PDE3A: variants seen among roughly 807,000 people sequenced by gnomAD.
The protein encoded by PDE3A is cGMP-inhibited 3',5'-cyclic phosphodiesterase 3A.
In PDE3A, 43 loss-of-function variants were observed where a neutral mutation model predicts 98.3. That is an observed-to-expected ratio of 0.44 (90% confidence interval 0.34 to 0.56). The LOEUF (loss-of-function observed/expected upper bound fraction) is 0.56, where lower values mean the gene tolerates loss of function less well. Ranked by LOEUF, PDE3A falls within the 20% of genes least tolerant of loss-of-function variation. The pLI, the probability that PDE3A is intolerant of heterozygous loss-of-function variation, is 0.01. For synonymous variants in PDE3A, 663 were observed against 567.9 expected, an observed-to-expected ratio of 1.17 and a Z score of -2.38; for missense variants, 1,427 against 1,440.7, an observed-to-expected ratio of 0.99 and a Z score of 0.15.
chr12:20,436,014 C>T lies in PDE3A; in HGVS notation c.960+65770C>T, dbSNP rs151236080. Among the ~76,000 whole-genome samples, 801 of 151,982 alleles carry T rather than the reference C, an allele frequency of 5.3e-3. 7 individuals carry two copies. Among genetic ancestry groups the T allele is most frequent in the African/African-American group, 0.018 (763 of 41,462 alleles). ...TTCTGGTGTCCCTCAAATTCAATTA[C>T]GTAGGTAAAGGTGGAATTGATCCTT... On this transcript the variant is annotated intron_variant, in intron 1 of 15. Coordinates refer to ENST00000359062, the MANE Select transcript of PDE3A (RefSeq NM_000921.5).
chr12:20,452,686 C>T (rs1417999021), intron 1 of PDE3A, among the ~76,000 whole-genome samples: 4 of 152,156 alleles, frequency 2.6e-5, no homozygotes, highest in African/African-American at 9.7e-5. Flanking sequence ...ATCTGCAAAA[C>T]CCACCTGGGG....
intron 10 of PDE3A, among the ~76,000 whole-genome samples, chr12:20,644,118 G>A (rs1446205783): frequency 1.3e-5 from 2 of 152,142 alleles, no homozygotes; most frequent in Non-Finnish European, 2.9e-5. Context: ...GATAATTTAA[G>A]AAGCTGGCTT....
chr12:20,423,488 C>T lies in PDE3A; in HGVS notation c.960+53244C>T, dbSNP rs7300269. 7.7e-3 allele frequency among the ~76,000 whole-genome samples: 1,179 copies of T among 152,202 alleles called. 16 individuals are homozygous for T. Among genetic ancestry groups the T allele is most frequent in the African/African-American group, 0.028 (1,144 of 41,538 alleles). ...TTTTAACAGTACACTTTTTATAATGCCTTGAACTTGTTTCTCTGTGGCAGA... is the reference window on the plus strand; with the variant it reads ...TTTTAACAGTACACTTTTTATAATGTCTTGAACTTGTTTCTCTGTGGCAGA... On this transcript the variant is annotated intron_variant, in intron 1 of 15. Transcript: ENST00000359062.
intron 1 of PDE3A, among the ~76,000 whole-genome samples, chr12:20,477,131 C>T (rs960653400): frequency 1.2e-4 from 18 of 152,138 alleles, no homozygotes; most frequent in African/African-American, 4.3e-4. Context: ...GCACAGGGAG[C>T]ACTTTCTTAT....
chr12:20,561,489 G>GT (rs1942519346), intron 2 of PDE3A, among the ~76,000 whole-genome samples: 1 of 152,182 alleles, frequency 6.6e-6, no homozygotes, highest in South Asian at 2.1e-4. Context: ...TGTGTCAGAT[G>GT]TGAGTGTGCT....
intron 1 of PDE3A, among the ~76,000 whole-genome samples, chr12:20,406,461 A>G (rs1268567668): frequency 6.6e-6 from 1 of 152,144 alleles, no homozygotes; most frequent in Non-Finnish European, 1.5e-5. Context: ...TTTTATTTGC[A>G]TTCCCCGGAT....
chr12:20,401,635 C>T (rs905984530), intron 1 of PDE3A, among the ~76,000 whole-genome samples: 4 of 152,190 alleles, frequency 2.6e-5, no homozygotes, highest in African/African-American at 9.6e-5. Flanking sequence ...TTTTACCCAT[C>T]TTCTACCTGC....
Position 20,684,356 on chromosome 12 carries a change from A to G in PDE3A, c.*4085A>G, listed in dbSNP as rs141029049. On this transcript the variant is annotated 3_prime_UTR_variant, in exon 16 of 16. Transcript: ENST00000359062. Reference sequence around the variant, plus strand: ...TTCCTGACTTATATGCCATTTGTAAATAAACTTCCTTTCAAACTGTTAGAA... The same window carrying G: ...TTCCTGACTTATATGCCATTTGTAAGTAAACTTCCTTTCAAACTGTTAGAA... The G allele has an allele frequency of 7.9e-5, 12 of 152,274 alleles. No homozygotes were observed. In the East Asian group the frequency reaches 2.3e-3, roughly 29 times the overall value. 9.4% of individuals were successfully genotyped at this position (152,274 alleles called of 1,614,324 possible).
intron 2 of PDE3A, among the ~76,000 whole-genome samples, chr12:20,610,749 C>A (rs1163416652): frequency 6.6e-6 from 1 of 151,816 alleles, no homozygotes; most frequent in African/African-American, 2.4e-5. Context: ...ATAGATGGAC[C>A]TGAAGAACAT....
chr12:20,451,503 G>A (rs1486553367), intron 1 of PDE3A, among the ~76,000 whole-genome samples: 1 of 152,068 alleles, frequency 6.6e-6, no homozygotes, highest in African/African-American at 2.4e-5. Flanking sequence ...CAAACTCCTG[G>A]CCTCAAGTGA....
At chr12:20,602,186 T>C (rs1395855055) in intron 2 of PDE3A, among the ~76,000 whole-genome samples, 1 of 152,196 alleles carries the variant, frequency 6.6e-6, no homozygotes, top group Non-Finnish European at 1.5e-5. Context: ...AGCAGTCACA[T>C]GAGTAGCTCA....
chr12:20,610,744 T>C (rs1028499388), intron 2 of PDE3A, among the ~76,000 whole-genome samples: 1 of 151,984 alleles, frequency 6.6e-6, no homozygotes, highest in African/African-American at 2.4e-5. Flanking sequence ...ATAACATAGA[T>C]GGACCTGAAG....
intron 1 of PDE3A, among the ~76,000 whole-genome samples, chr12:20,386,191 ATAAATATAT>A (rs1565532722): frequency 0.042 from 3,848 of 92,566 alleles, 217 homozygotes; most frequent in Non-Finnish European, 0.056. Flanking sequence ...ATAAATATAT[ATAAATATAT>A]AAAAATATAT....
intron 1 of PDE3A, among the ~76,000 whole-genome samples, chr12:20,403,443 T>C (rs1944171113): frequency 6.6e-6 from 1 of 152,186 alleles, no homozygotes; most frequent in Non-Finnish European, 1.5e-5. Flanking sequence ...TTCACAGTTG[T>C]AGTCAGTGGG....
At chr12:20,605,247 A>G (rs889948800) in intron 2 of PDE3A, among the ~76,000 whole-genome samples, 1 of 152,184 alleles carries the variant, frequency 6.6e-6, no homozygotes, top group African/African-American at 2.4e-5. Context: ...TAACTTACCT[A>G]TTGGGAGAAG....
intron 2 of PDE3A, among the ~76,000 whole-genome samples, chr12:20,593,898 A>G (rs1943401664): frequency 6.6e-6 from 1 of 152,028 alleles, no homozygotes; most frequent in African/African-American, 2.4e-5. Flanking sequence ...AATGTGGATA[A>G]AAATAATAAA....
At chr12:20,641,133 T>C (rs1348127136) in intron 10 of PDE3A, among the ~76,000 whole-genome samples, 1 of 152,024 alleles carries the variant, frequency 6.6e-6, no homozygotes, top group Non-Finnish European at 1.5e-5. Context: ...CCTGCTACAT[T>C]GGAATGAATA....
At chr12:20,384,173 A>T (rs1297708827) in intron 1 of PDE3A, among the ~76,000 whole-genome samples, 10 of 136,562 alleles carry the variant, frequency 7.3e-5, no homozygotes, top group Non-Finnish European at 1.2e-4. Flanking sequence ...AAAATATCTG[A>T]TTGGGTTGAC....
chr12:20,378,748 G>A (rs1408717116), intron 1 of PDE3A, among the ~76,000 whole-genome samples: 1 of 151,662 alleles, frequency 6.6e-6, no homozygotes, highest in Non-Finnish European at 1.5e-5. Flanking sequence ...ATACTTGAAT[G>A]TAACTAGTCA....
Sources: allele counts gnomAD v4.1 joint callset (sites outside exome capture counted in the v4.1 genomes callset), GRCh38; gene constraint gnomAD v4.1.1; transcripts MANE v1.5; gene names NCBI Gene and HGNC (gene_info 2026-07-23, HGNC 2026-07-21).